Variants in CLASP1 observed in about 807,000 individuals in gnomAD.
The protein encoded by CLASP1 is CLIP-associating protein 1.
CLASP1 carries 38 observed loss-of-function variants against 192.3 expected under a neutral mutation model. The observed-to-expected ratio is 0.20, with a 90% confidence interval of 0.15 to 0.26. The LOEUF (loss-of-function observed/expected upper bound fraction) is 0.26, where lower values mean the gene tolerates loss of function less well. Ranked by LOEUF, CLASP1 falls within the 10% of genes least tolerant of loss-of-function variation. The probability of loss-of-function intolerance (pLI) is 1.00; values close to 1 mark genes in which losing one functional copy is unlikely to be tolerated. For synonymous variants in CLASP1, 691 were observed against 712.8 expected (o/e 0.97, Z 0.49); for missense variants, 1,433 against 1,932.5 (o/e 0.74, Z 4.85).
intron 1 of CLASP1, among the ~76,000 whole-genome samples, chr2:121,636,221 A>G (rs1447991241): frequency 6.6e-6 from 1 of 151,866 alleles, no homozygotes; most frequent in Non-Finnish European, 1.5e-5. Context: ...CTGTAATCCC[A>G]GCTACTCGGG....
At chr2:121,583,729 C>T (rs1480437073) in intron 2 of CLASP1, among the ~76,000 whole-genome samples, 1 of 152,100 alleles carries the variant, frequency 6.6e-6, no homozygotes, top group Non-Finnish European at 1.5e-5. Flanking sequence ...TTCTTCACTG[C>T]TATGGTGTGG....
At chr2:121,620,853 T>C (rs940269515) in intron 1 of CLASP1, among the ~76,000 whole-genome samples, 4 of 152,218 alleles carry the variant, frequency 2.6e-5, no homozygotes, top group South Asian at 4.1e-4. Flanking sequence ...ATTTTCTTGA[T>C]GGTGCCATTT....
At chr2:121,620,803 GAT>G (rs2067213324) in intron 1 of CLASP1, among the ~76,000 whole-genome samples, 1 of 152,072 alleles carries the variant, frequency 6.6e-6, no homozygotes, top group South Asian at 2.1e-4. Flanking sequence ...TCCTTTATCA[GAT>G]ATATGACAAA....
intron 26 of CLASP1, 83 bp downstream of exon 27, chr2:121,404,288 C>A: frequency 6.4e-7 from 1 of 1,556,132 alleles, no homozygotes; most frequent in South Asian, 1.2e-5. Context: ...ATCGGGAATT[C>A]TCTCTCATTC....
At chr2:121,599,604 A>G (rs2063560204) in intron 2 of CLASP1, among the ~76,000 whole-genome samples, 2 of 149,282 alleles carry the variant, frequency 1.3e-5, no homozygotes, top group African/African-American at 4.9e-5. Flanking sequence ...AAAAAAAAAA[A>G]AAAAAAAATT....
chr2:121,598,552 T>C (rs983269210), intron 2 of CLASP1, among the ~76,000 whole-genome samples: 12 of 152,236 alleles, frequency 7.9e-5, no homozygotes, highest in African/African-American at 2.9e-4. Flanking sequence ...TAAACCCTGT[T>C]CTTATGAAAG....
chr2:121,426,189 A>C (rs1240415300), intron 21 of CLASP1, among the ~76,000 whole-genome samples: 1 of 152,194 alleles, frequency 6.6e-6, no homozygotes, highest in Admixed American at 6.5e-5. Context: ...GCAAAGTAAA[A>C]TAAAATGAAA....
chr2:121,385,456 A>G (rs1392742852), intron 32 of CLASP1, among the ~76,000 whole-genome samples: 1 of 152,262 alleles, frequency 6.6e-6, no homozygotes, highest in Non-Finnish European at 1.5e-5. Context: ...CTATAAATAC[A>G]AATTAAGATG....
At chr2:121,640,371 C>CA (rs953044626) in intron 1 of CLASP1, among the ~76,000 whole-genome samples, 2 of 151,586 alleles carry the variant, frequency 1.3e-5, no homozygotes, top group Non-Finnish European at 2.9e-5. Flanking sequence ...AAGTATAATA[C>CA]AAAAAAATGG....
At chr2:121,639,758 G>T (rs953749683) in intron 1 of CLASP1, among the ~76,000 whole-genome samples, 10 of 151,380 alleles carry the variant, frequency 6.6e-5, no homozygotes, top group African/African-American at 2.4e-4. Flanking sequence ...AGCTACTCCG[G>T]AGGCTGAGGC....
intron 19 of CLASP1, among the ~76,000 whole-genome samples, chr2:121,446,319 A>G (rs1439052854): frequency 6.6e-6 from 1 of 152,206 alleles, no homozygotes; most frequent in Admixed American, 6.5e-5. Context: ...AGTAATTTGC[A>G]GGTATGGAAA....
At chr2:121,604,110 T>C (rs2064124741) in intron 2 of CLASP1, among the ~76,000 whole-genome samples, 1 of 152,238 alleles carries the variant, frequency 6.6e-6, no homozygotes, top group African/African-American at 2.4e-5. Context: ...AGATGATGGA[T>C]ATATTAATTA....
intron 8 of CLASP1, among the ~76,000 whole-genome samples, chr2:121,502,713 G>C (rs559999677): frequency 1.4e-3 from 213 of 152,330 alleles, no homozygotes; most frequent in Non-Finnish European, 2.5e-3. Context: ...GGTGTGATGG[G>C]AAGTCTTTGG....
At chr2:121,394,767 C>A (rs974116374) in intron 30 of CLASP1, among the ~76,000 whole-genome samples, 33 of 152,174 alleles carry the variant, frequency 2.2e-4, no homozygotes, top group Non-Finnish European at 4.9e-4. Flanking sequence ...ATAATCCCAG[C>A]TACTCGGGAG....
At chr2:121,594,775 T>C (rs537852244) in intron 2 of CLASP1, among the ~76,000 whole-genome samples, 2 of 152,282 alleles carry the variant, frequency 1.3e-5, no homozygotes, top group South Asian at 4.1e-4. Context: ...AACCACTGTA[T>C]ACACAGGTAT....
intron 26 of CLASP1, chr2:121,403,873 G>C (rs2076512524): frequency 1.3e-5 from 6 of 449,282 alleles, no homozygotes; most frequent in Admixed American, 7.5e-5. Context: ...GCAAATTCTT[G>C]GTAACAGCAA....
chr2:121,409,125 G>A, intron 24 of CLASP1: 1 of 1,227,596 alleles, frequency 8.1e-7, no homozygotes, highest in Non-Finnish European at 1.2e-6. Context: ...GATTGTTCTT[G>A]CAACAAAAGT....
chr2:121,568,911 G>T (rs1367392964), intron 2 of CLASP1, among the ~76,000 whole-genome samples: 2 of 152,104 alleles, frequency 1.3e-5, no homozygotes, highest in Non-Finnish European at 2.9e-5. Context: ...TGGAGGAATA[G>T]AATTGATAGG....
chr2:121,490,306 G>A (rs2093232169), intron 8 of CLASP1: 1 of 454,054 alleles, frequency 2.2e-6, no homozygotes, highest in Admixed American at 2.4e-5. Context: ...AGTAATCCTG[G>A]TACCAAATAA....
Sources: allele counts gnomAD v4.1 joint callset (sites outside exome capture counted in the v4.1 genomes callset), GRCh38; gene constraint gnomAD v4.1.1; transcripts MANE v1.5; gene names NCBI Gene and HGNC (gene_info 2026-07-23, HGNC 2026-07-21).